The following OSBP2 variants were observed in gnomAD, a reference collection of about 807,000 sequenced individuals.
OSBP2 encodes oxysterol-binding protein 2.
OSBP2 carries 66 observed loss-of-function variants against 96.0 expected under a neutral mutation model. The ratio of observed to expected loss-of-function variants is 0.69; its 90% CI spans 0.56 to 0.84. The LOEUF (loss-of-function observed/expected upper bound fraction) is 0.84, where lower values mean the gene tolerates loss of function less well. Among genes scored for constraint, OSBP2 ranks in the 40% least tolerant of loss-of-function variants. OSBP2 has a pLI of 0.00. For missense variants in OSBP2, 1,038 were observed against 1,222.7 expected, an observed-to-expected ratio of 0.85 and a Z score of 2.25; for synonymous variants, 525 against 520.9, an observed-to-expected ratio of 1.01 and a Z score of -0.11.
chr22:30,905,422 G>A (rs1350010625), intron 12 of OSBP2, among the ~76,000 whole-genome samples: 1 of 151,680 alleles, frequency 6.6e-6, no homozygotes, highest in Non-Finnish European at 1.5e-5. Flanking sequence ...GATTACAGGC[G>A]TGAGCCACCG....
At chr22:30,877,213 G>A (rs1421213516) in intron 3 of OSBP2, among the ~76,000 whole-genome samples, 2 of 152,126 alleles carry the variant, frequency 1.3e-5, no homozygotes, top group Admixed American at 6.5e-5. Context: ...TGAATGAATC[G>A]CTTAGTGTCT....
At chr22:30,776,856 A>G (rs866911986) in intron 2 of OSBP2, among the ~76,000 whole-genome samples, 56 of 152,212 alleles carry the variant, frequency 3.7e-4, no homozygotes, top group Admixed American at 1.3e-3. Flanking sequence ...GACCATGGGA[A>G]CCCACCTCTT....
intron 12 of OSBP2, chr22:30,902,366 G>A (rs1035931900): frequency 4.4e-6 from 7 of 1,576,180 alleles, no homozygotes; most frequent in East Asian, 4.5e-5. Flanking sequence ...TATAGAATTC[G>A]ATGAAGTGGA....
chr22:30,813,999 A>G (rs139461805), intron 2 of OSBP2, among the ~76,000 whole-genome samples: 1 of 151,960 alleles, frequency 6.6e-6, no homozygotes, highest in East Asian at 1.9e-4. Flanking sequence ...ATGGGGTTTC[A>G]CTATGTTGAC....
intron 2 of OSBP2, among the ~76,000 whole-genome samples, chr22:30,791,192 G>C (rs912164673): frequency 6.6e-6 from 1 of 151,770 alleles, no homozygotes; most frequent in Non-Finnish European, 1.5e-5. Context: ...CCATGATCTT[G>C]AACTCCTGAC....
rs1192068836 is a variant in OSBP2 at position 30,808,782 on chromosome 22, A to G, written c.854-61647A>G. Among the ~76,000 whole-genome samples, 15 of 152,134 alleles carry G rather than the reference A, an allele frequency of 9.9e-5. No homozygotes were observed. The East Asian group carries it at 2.9e-3, about 30-fold the overall frequency. On this transcript the variant is annotated intron_variant, in intron 2 of 13. Transcript: ENST00000332585. ...ATCCTGGCTAACATGGTGAAACCCC[A>G]TCTCTACTAAAAATACAAAAAATTA...
chr22:30,770,081 T>C (rs1273052061), intron 2 of OSBP2, among the ~76,000 whole-genome samples: 1 of 149,904 alleles, frequency 6.7e-6, no homozygotes, highest in Non-Finnish European at 1.5e-5. Context: ...TTGTTCCTCA[T>C]TAACCTTCCC....
chr22:30,857,859 A>G (rs1401275247), intron 2 of OSBP2, among the ~76,000 whole-genome samples: 1 of 152,192 alleles, frequency 6.6e-6, no homozygotes, highest in Non-Finnish European at 1.5e-5. Flanking sequence ...TGTGTGGAGT[A>G]AGAGGTTTCC....
chr22:30,841,918 C>T lies in OSBP2; in HGVS notation c.854-28511C>T, dbSNP rs879819049. Among the ~76,000 whole-genome samples the T allele has an allele frequency of 2.0e-5, 3 of 152,024 alleles. No individual in the cohort carries two copies. In the South Asian group the frequency reaches 6.2e-4, roughly 31 times the overall value. On this transcript the variant is annotated intron_variant, in intron 2 of 13. Coordinates refer to ENST00000332585, the MANE Select transcript of OSBP2 (RefSeq NM_030758.4). ...TTGGGATTGAACCACTGCATTCTAG[C>T]CTGGGTAATAGGGTGAGACTCTGTC...
At chr22:30,757,095 T>G (rs2090150983) in intron 2 of OSBP2, among the ~76,000 whole-genome samples, 1 of 152,138 alleles carries the variant, frequency 6.6e-6, no homozygotes, top group Non-Finnish European at 1.5e-5. Flanking sequence ...TCTGCTGGCC[T>G]TGATCAGTAC....
intron 12 of OSBP2, 86 bp from the exon 13 acceptor site, chr22:30,905,751 G>A: frequency 6.4e-7 from 1 of 1,564,060 alleles, no homozygotes; most frequent in Middle Eastern, 1.9e-4. Flanking sequence ...CCCGGGAGGA[G>A]ACACCGCCAG....
In OSBP2 at chr22:30,695,079, T is replaced by G. The variant is rs1486015284; in HGVS notation, c.170T>G (p.Val57Gly). ...GPEPKPQPQPVPEPERGPLSE... is the reference protein window; with the variant it reads ...GPEPKPQPQPGPEPERGPLSE... ...GAGCCCAAGCCCCAGCCCCAGCCCG[T>G]GCCCGAACCGGAGCGGGGACCGCTG... The change falls in exon 1 of 14, where the codon GTG becomes GGG. Residue 57 changes from valine (V) to glycine (G), a missense_variant. By Grantham distance (109) the Val-to-Gly change is moderately radical. Around this residue, in one of 3 missense-constraint regions of OSBP2, gnomAD observed 281 missense variants for 273.4 expected, o/e 1.03. Coordinates refer to ENST00000332585, the MANE Select transcript of OSBP2 (RefSeq NM_030758.4). 1.9e-6 allele frequency: 3 copies of G among 1,580,450 alleles called. No homozygotes were observed. Among genetic ancestry groups the G allele is most frequent in the Non-Finnish European group, 2.6e-6 (3 of 1,163,558 alleles).
rs2039701659 is a variant in OSBP2 at position 30,881,486 on chromosome 22, C to CACGAGTCAG, written c.1108-5940_1108-5939insACGAGTCAG. 2.6e-5 allele frequency among the ~76,000 whole-genome samples: 4 copies of CACGAGTCAG among 152,180 alleles called. No individual in the cohort carries two copies. The highest frequency in any genetic ancestry group is 4.4e-5 in the Non-Finnish European group (3 of 68,036). ...GCTTCAGGTCAGCCCGTCTCTCCTCCTGCTCACAGCTGAGCACGAGTCTCC... is the reference window on the plus strand; with the variant it reads ...GCTTCAGGTCAGCCCGTCTCTCCTCCACGAGTCAGTGCTCACAGCTGAGCACGAGTCTCC... On this transcript the variant is annotated intron_variant, in intron 3 of 13. Coordinates refer to ENST00000332585, the MANE Select transcript of OSBP2 (RefSeq NM_030758.4). This position sits in a 1 kb window ranked among gnomAD's most constrained non-coding sequence, Gnocchi z 4.5.
At chr22:30,873,290 C>T (rs370337804) in intron 3 of OSBP2, among the ~76,000 whole-genome samples, 1 of 152,144 alleles carries the variant, frequency 6.6e-6, no homozygotes, top group Non-Finnish European at 1.5e-5. Context: ...TTGCAGAGGC[C>T]CCCTCCTGCT....
chr22:30,736,167 G>A (rs2089852240), intron 1 of OSBP2, among the ~76,000 whole-genome samples: 1 of 152,068 alleles, frequency 6.6e-6, no homozygotes, highest in Admixed American at 6.5e-5. Flanking sequence ...ACCCACTTCG[G>A]CCTCCCAAAG....
At chr22:30,700,852 G>C (rs1329570693) in intron 1 of OSBP2, among the ~76,000 whole-genome samples, 1 of 151,958 alleles carries the variant, frequency 6.6e-6, no homozygotes. Flanking sequence ...CTGGGAGGCT[G>C]AGGCGGGCAG....
rs1331390753 is a variant in OSBP2 at position 30,863,972 on chromosome 22, TG to T, written c.854-6456del. ...CAAAGAAGCCATCATGTTTTTTTTT[TG>T]TTGTTTTTTTTTTTTGAAACGGAGT... On this transcript the variant is annotated intron_variant, in intron 2 of 13. Coordinates refer to ENST00000332585, the MANE Select transcript of OSBP2 (RefSeq NM_030758.4). Among the ~76,000 whole-genome samples, 565 of 149,448 alleles carry T rather than the reference TG, an allele frequency of 3.8e-3. 4 individuals are homozygous for T. The highest frequency in any genetic ancestry group is 6.1e-3 in the Non-Finnish European group (407 of 67,152).
chr22:30,860,161 TA>T (rs948438986), intron 2 of OSBP2, among the ~76,000 whole-genome samples: 3 of 151,352 alleles, frequency 2.0e-5, no homozygotes, highest in Admixed American at 6.6e-5. Flanking sequence ...GTTAAAAAAA[TA>T]AAAAAAAATA....
intron 2 of OSBP2, among the ~76,000 whole-genome samples, chr22:30,858,392 C>T (rs1377903309): frequency 5.3e-5 from 8 of 150,994 alleles, no homozygotes; most frequent in African/African-American, 1.5e-4. Context: ...ATGATCCACC[C>T]ACCTCGGCCT....
Sources: allele counts gnomAD v4.1 joint callset (sites outside exome capture counted in the v4.1 genomes callset), GRCh38; gene constraint gnomAD v4.1.1; regional missense constraint gnomAD v4.1.1; non-coding constraint Gnocchi (gnomAD v3.1); transcripts MANE v1.5; gene names NCBI Gene and HGNC (gene_info 2026-07-23, HGNC 2026-07-21).